Variants in HPCA observed in about 807,000 individuals in gnomAD.
HPCA encodes the protein neuron-specific calcium-binding protein hippocalcin.
A neutral mutation model predicts 18.2 loss-of-function variants in HPCA; 4 were observed. That is an observed-to-expected ratio of 0.22 (90% CI 0.11 to 0.50). The LOEUF (loss-of-function observed/expected upper bound fraction) is 0.50, where lower values mean the gene tolerates loss of function less well. Ranked by LOEUF, HPCA falls within the 20% of genes least tolerant of loss-of-function variation. The pLI is 0.97. For synonymous variants in HPCA, 93 were observed against 103.5 expected (o/e 0.90, Z 0.61); for missense variants, 161 against 265.8 (o/e 0.61, Z 2.74).
Position 32,894,642 on chromosome 1 carries a change from G to T in HPCA, c.*780G>T. Reference sequence around the variant, plus strand: ...AATTTCAGAATAAAGTCTCATTTCAGTGCAGTGGGCTGGGTGGTGGGGGAG... The same window carrying T: ...AATTTCAGAATAAAGTCTCATTTCATTGCAGTGGGCTGGGTGGTGGGGGAG... On this transcript the variant is annotated 3_prime_UTR_variant, in exon 4 of 4. Coordinates refer to ENST00000373467, the MANE Select transcript of HPCA (RefSeq NM_002143.3). 1.2e-6 allele frequency: 1 copy of T among 830,068 alleles called. No homozygotes were observed. The highest frequency in any genetic ancestry group is 1.9e-6 in the Non-Finnish European group (1 of 536,312). The allele number at this position is 830,068 out of a possible 1,614,324, so 51.4% of individuals were successfully genotyped here. A position where few individuals can be genotyped will look rare whatever the true frequency, so the allele number is the denominator to read the frequency against.
rs1188563338 is a variant in HPCA at position 32,889,022 on chromosome 1, A to G, written c.124A>G (p.Ile42Val). ...CTTCCTCAAGGACTGCCCCACAGGA[A>G]TCCTCAATGTGGATGAGTTCAAGAA... ...KGFLKDCPTGILNVDEFKKIY... is the reference protein window; with the variant it reads ...KGFLKDCPTGVLNVDEFKKIY... The change falls in exon 2 of 4, where the codon ATC becomes GTC. Residue 42 changes from isoleucine to valine, a missense_variant. Physicochemically the swap from Ile to Val is conservative, Grantham distance 29. Coordinates refer to ENST00000373467, the MANE Select transcript of HPCA (RefSeq NM_002143.3). The surrounding 1 kb of genome is among the most constrained non-coding windows in gnomAD (Gnocchi z 4.6). The G allele has an allele frequency of 6.2e-7, 1 of 1,614,172 alleles. No homozygotes were observed. Among genetic ancestry groups the G allele is most frequent in the South Asian group, 1.1e-5 (1 of 91,074 alleles).
Position 32,893,678 on chromosome 1 carries a change from C to T in HPCA, c.484+49C>T. 8.6e-7 allele frequency: 1 copy of T among 1,157,476 alleles called. No individual in the cohort carries two copies. Among genetic ancestry groups the T allele is most frequent in the Non-Finnish European group, 1.3e-6 (1 of 797,536 alleles). 71.7% of individuals were successfully genotyped at this position (1,157,476 alleles called of 1,614,324 possible). ...GTGGACGGGGCGGGCGCCTTTCCCT[C>T]CCTCCCTCCCTGCCTCCCTTTCCCG... On this transcript the variant is annotated intron_variant, in intron 3 of 3. Coordinates refer to ENST00000373467, the MANE Select transcript of HPCA (RefSeq NM_002143.3). This position sits in a 1 kb window ranked among gnomAD's most constrained non-coding sequence, Gnocchi z 7.5.
Position 32,893,752 on chromosome 1 carries a change from C to T in HPCA, c.485-13C>T. The stretch of plus-strand genomic sequence containing the variant: ...CCGCCTCCTCCCCCATCACCGCTCC[C>T]CTCGCCCTGCAGGCAAGCTGTCCTT... On this transcript the variant is annotated splice_polypyrimidine_tract_variant and intron_variant, in intron 3 of 3. Coordinates refer to ENST00000373467, the MANE Select transcript of HPCA (RefSeq NM_002143.3). The surrounding 1 kb of genome is among the most constrained non-coding windows in gnomAD (Gnocchi z 7.5). 1 of 1,570,950 alleles carries T rather than the reference C, an allele frequency of 6.4e-7. No homozygotes were observed. Among genetic ancestry groups the T allele is most frequent in the African/African-American group, 1.4e-5 (1 of 73,726 alleles).
In HPCA at chr1:32,894,418, C is replaced by T. The variant is rs1308858586; in HGVS notation, c.*556C>T. ...CTTTTAGCACTTGGATACACACAGACCCACGGAGCTCTCTGTGTTTGGCCT... is the reference window on the plus strand; with the variant it reads ...CTTTTAGCACTTGGATACACACAGATCCACGGAGCTCTCTGTGTTTGGCCT... On this transcript the variant is annotated 3_prime_UTR_variant, in exon 4 of 4. Transcript: ENST00000373467. The T allele has an allele frequency of 1.4e-5, 3 of 211,814 alleles. No homozygotes were observed. The highest frequency in any genetic ancestry group is 2.3e-5 in the African/African-American group (1 of 44,212). 13.1% of individuals were successfully genotyped at this position (211,814 alleles called of 1,614,324 possible).
chr1:32,886,000 G>A (rs947187484), upstream of HPCA: 43 of 152,360 alleles, frequency 2.8e-4, no homozygotes, highest in African/African-American at 1.0e-3. Context: ...GACCTCAGTA[G>A]CTGGAGGAAT....
rs1641380274 is a variant in HPCA at position 32,886,959 on chromosome 1, G to C, written c.-22+444G>C. On this transcript the variant is annotated intron_variant, in intron 1 of 3. Transcript: ENST00000373467. This position sits in a 1 kb window ranked among gnomAD's most constrained non-coding sequence, Gnocchi z 7.0. ...GCAACTCCGAGGGTGGCAGGGCCCAGGGGGCACTGGAGGAGCTCTCTTGCT... is the reference window on the plus strand; with the variant it reads ...GCAACTCCGAGGGTGGCAGGGCCCACGGGGCACTGGAGGAGCTCTCTTGCT... 6.6e-6 allele frequency among the ~76,000 whole-genome samples: 1 copy of C among 152,154 alleles called. No individual in the cohort carries two copies. Among genetic ancestry groups the C allele is most frequent in the African/African-American group, 2.4e-5 (1 of 41,428 alleles).
chr1:32,887,287 T>C (rs1017353598), intron 1 of HPCA, among the ~76,000 whole-genome samples: 3 of 151,844 alleles, frequency 2.0e-5, no homozygotes, highest in African/African-American at 4.8e-5. Context: ...TGCAGGGACA[T>C]AGATGGAAAG....
chr1:32,889,110 C>A lies in HPCA; in HGVS notation c.212C>A (p.Thr71Asn), dbSNP rs775863165. 1 of 1,614,264 alleles carries A rather than the reference C, an allele frequency of 6.2e-7. No homozygotes were observed. The highest frequency in any genetic ancestry group is 1.1e-5 in the South Asian group (1 of 91,090). The change falls in exon 2 of 4, where the codon ACC becomes AAC. Residue 71 changes from threonine to asparagine, a missense_variant. Physicochemically the swap from Thr to Asn is moderately conservative, Grantham distance 65 (BLOSUM62 0). Transcript: ENST00000373467. The surrounding 1 kb of genome is among the most constrained non-coding windows in gnomAD (Gnocchi z 4.6). ...AAGTTTGCCGAGCACGTCTTCCGCA[C>A]CTTTGACACCAACAGCGATGGCACC... is the stretch of plus-strand genomic sequence containing the variant. ...ASKFAEHVFR[T>N]FDTNSDGTID...
At chr1:32,888,695 G>T (rs538996037) in intron 1 of HPCA, among the ~76,000 whole-genome samples, 183 bp from the exon 2 acceptor site, 1 of 152,176 alleles carries the variant, frequency 6.6e-6, no homozygotes, top group Non-Finnish European at 1.5e-5. Flanking sequence ...AGATGGTGTG[G>T]AGCATGGCAT....
In HPCA at chr1:32,889,876, T is replaced by A. The variant is rs1641427106; in HGVS notation, c.378+600T>A. On this transcript the variant is annotated intron_variant, in intron 2 of 3. Coordinates refer to ENST00000373467, the MANE Select transcript of HPCA (RefSeq NM_002143.3). The surrounding 1 kb of genome is among the most constrained non-coding windows in gnomAD (Gnocchi z 4.6). ...GAATTGACATTTCTGCAGAGCACAG[T>A]CCAGCTATGTCTAGTTGATCCTCAT... Among the ~76,000 whole-genome samples, 1 of 152,204 alleles carries A rather than the reference T, an allele frequency of 6.6e-6. No homozygotes were observed. The highest frequency in any genetic ancestry group is 1.5e-5 in the Non-Finnish European group (1 of 68,036).
Position 32,888,892 on chromosome 1 carries a change from G to A in HPCA, c.-7G>A, listed in dbSNP as rs768577855. On this transcript the variant is annotated 5_prime_UTR_variant, in exon 2 of 4. Transcript: ENST00000373467. The stretch of plus-strand genomic sequence containing the variant: ...TGGGGACCCAGGTGGGACTTGGCTC[G>A]GCGGCCATGGGCAAGCAGAACAGCA... The A allele has an allele frequency of 4.4e-6, 7 of 1,602,710 alleles. No homozygotes were observed. The highest frequency in any genetic ancestry group is 1.3e-5 in the African/African-American group (1 of 74,748).
chr1:32,893,437 G>T lies in HPCA; in HGVS notation c.379-87G>T, dbSNP rs1329848389. 9.7e-6 allele frequency: 9 copies of T among 930,284 alleles called. No homozygotes were observed. Among genetic ancestry groups the T allele is most frequent in the Non-Finnish European group, 1.5e-5 (9 of 588,132 alleles). The allele number at this position is 930,284 out of a possible 1,614,324, so 57.6% of individuals were successfully genotyped here. A position where few individuals can be genotyped will look rare whatever the true frequency, so the allele number is the denominator to read the frequency against. ...CCTTGCCCAGGCGGGGGCAGCAAACGTCAGAGAGCCCGGGGGCGCCTCTGA... is the reference window on the plus strand; with the variant it reads ...CCTTGCCCAGGCGGGGGCAGCAAACTTCAGAGAGCCCGGGGGCGCCTCTGA... On this transcript the variant is annotated intron_variant, in intron 2 of 3. Coordinates refer to ENST00000373467, the MANE Select transcript of HPCA (RefSeq NM_002143.3). The surrounding 1 kb of genome is among the most constrained non-coding windows in gnomAD (Gnocchi z 7.5).
At position 32,893,759 on chromosome 1, in the gene HPCA, C is replaced by T. The variant is rs753049066; in HGVS notation, c.485-6C>T. The T allele has an allele frequency of 2.5e-6, 4 of 1,574,250 alleles. No homozygotes were observed. The highest frequency in any genetic ancestry group is 1.2e-5 in the South Asian group (1 of 86,246). ...CTCCCCCATCACCGCTCCCCTCGCC[C>T]TGCAGGCAAGCTGTCCTTGGAGGAG... is the stretch of plus-strand genomic sequence containing the variant. On this transcript the variant is annotated splice_region_variant and splice_polypyrimidine_tract_variant and intron_variant, in intron 3 of 3. Transcript: ENST00000373467. This position sits in a 1 kb window ranked among gnomAD's most constrained non-coding sequence, Gnocchi z 7.5.
In HPCA at chr1:32,893,673, T is replaced by TGCCCC; in HGVS notation, c.484+44_484+45insGCCCC. 9.9e-6 allele frequency: 13 copies of TGCCCC among 1,314,120 alleles called. No individual in the cohort carries two copies. The highest frequency in any genetic ancestry group is 9.7e-6 in the Non-Finnish European group (9 of 926,068). The allele number at this position is 1,314,120 out of a possible 1,614,324, so 81.4% of individuals were successfully genotyped here. A position where few individuals can be genotyped will look rare whatever the true frequency, so the allele number is the denominator to read the frequency against. ...ACGGGGTGGACGGGGCGGGCGCCTT[T>TGCCCC]CCCTCCCTCCCTCCCTGCCTCCCTT... On this transcript the variant is annotated intron_variant, in intron 3 of 3. Coordinates refer to ENST00000373467, the MANE Select transcript of HPCA (RefSeq NM_002143.3). The surrounding 1 kb of genome is among the most constrained non-coding windows in gnomAD (Gnocchi z 7.5).
In HPCA at chr1:32,889,941, C is replaced by G. The variant is rs1334448159; in HGVS notation, c.378+665C>G. ...ACGGATGCTCAGAGAGATAAAGGCA[C>G]TTGCTTGAGGCCACACAGCCTGTGT... On this transcript the variant is annotated intron_variant, in intron 2 of 3. Coordinates refer to ENST00000373467, the MANE Select transcript of HPCA (RefSeq NM_002143.3). The surrounding 1 kb of genome is among the most constrained non-coding windows in gnomAD (Gnocchi z 4.6). 6.6e-6 allele frequency among the ~76,000 whole-genome samples: 1 copy of G among 152,230 alleles called. No individual in the cohort carries two copies. The highest frequency in any genetic ancestry group is 2.4e-5 in the African/African-American group (1 of 41,476).
rs990978923 is a variant in HPCA, at chr1:32,893,897, C to G, written c.*35C>G. ...GGTTCCCCTTCCTCCCTCCCTTCAC[C>G]GGCCCCCTCCCGGCTCTTAGCTTCC... On this transcript the variant is annotated 3_prime_UTR_variant, in exon 4 of 4. Coordinates refer to ENST00000373467, the MANE Select transcript of HPCA (RefSeq NM_002143.3). This position sits in a 1 kb window ranked among gnomAD's most constrained non-coding sequence, Gnocchi z 7.5. The G allele has an allele frequency of 4.3e-6, 6 of 1,405,190 alleles. No individual in the cohort carries two copies. The Admixed American group carries it at 5.9e-5, about 14-fold the overall frequency. The allele number at this position is 1,405,190 out of a possible 1,614,324, so 87.0% of individuals were successfully genotyped here.
At chr1:32,892,425 A>C (rs1386655731) in intron 2 of HPCA, among the ~76,000 whole-genome samples, 1 of 152,142 alleles carries the variant, frequency 6.6e-6, no homozygotes, top group African/African-American at 2.4e-5. Context: ...GCCCATATGC[A>C]CCCTGACCCA....
Position 32,893,275 on chromosome 1 carries a change from G to A in HPCA, c.379-249G>A, listed in dbSNP as rs535508709. On this transcript the variant is annotated intron_variant, in intron 2 of 3. Coordinates refer to ENST00000373467, the MANE Select transcript of HPCA (RefSeq NM_002143.3). The surrounding 1 kb of genome is among the most constrained non-coding windows in gnomAD (Gnocchi z 7.5). ...CCCGCTCGGAGCTTCCACCTGCGGC[G>A]CCTTTGCTCCTTTCCCACCCAGCCC... Among the ~76,000 whole-genome samples, 1 of 152,256 alleles carries A rather than the reference G, an allele frequency of 6.6e-6. No homozygotes were observed. Among genetic ancestry groups the A allele is most frequent in the South Asian group, 2.1e-4 (1 of 4,828 alleles).
intron 1 of HPCA, among the ~76,000 whole-genome samples, chr1:32,887,618 G>A (rs1027450642): frequency 1.3e-5 from 2 of 152,156 alleles, no homozygotes; most frequent in African/African-American, 4.8e-5. Flanking sequence ...TGGAAAAGGG[G>A]CCCCGAGCAG....
Sources: gnomAD v4.1 joint callset for allele counts (sites outside exome capture counted in the v4.1 genomes callset) on GRCh38, gnomAD v4.1.1 for gene constraint, Gnocchi (gnomAD v3.1) non-coding constraint, MANE v1.5 for transcripts, NCBI Gene and HGNC (gene_info 2026-07-23, HGNC 2026-07-21) for gene names.